Variants in TAF4 observed in about 807,000 individuals in gnomAD.
TAF4 encodes TATA-box binding protein associated factor 4, also known as transcription initiation factor TFIID subunit 4.
Under a neutral mutation model 90.3 loss-of-function variants are expected in TAF4, and 9 were observed. The ratio of observed to expected loss-of-function variants is 0.10; its 90% CI spans 0.06 to 0.17. The LOEUF (loss-of-function observed/expected upper bound fraction) is 0.17, where lower values mean the gene tolerates loss of function less well. Among genes scored for constraint, TAF4 ranks in the 10% least tolerant of loss-of-function variants. TAF4 has a pLI of 1.00. For missense variants in TAF4, 1,351 were observed against 1,370.7 expected (o/e 0.99, Z 0.23); for synonymous variants, 818 against 638.9 (o/e 1.28, Z -4.23).
intron 4 of TAF4, among the ~76,000 whole-genome samples, 186 bp downstream of exon 4, chr20:62,009,860 G>C (rs1412178481): frequency 2.6e-5 from 4 of 152,192 alleles, no homozygotes; most frequent in Non-Finnish European, 5.9e-5. Context: ...GGCCCTCGGA[G>C]CCCACCTCAC....
At chr20:62,053,428 C>T (rs1435549239) in intron 1 of TAF4, among the ~76,000 whole-genome samples, 2 of 152,226 alleles carry the variant, frequency 1.3e-5, no homozygotes, top group African/African-American at 4.8e-5. Flanking sequence ...CCATTAAGTG[C>T]CCGGTCAGGC....
At chr20:62,049,266 G>C (rs1011338081) in intron 1 of TAF4, among the ~76,000 whole-genome samples, 5 of 152,138 alleles carry the variant, frequency 3.3e-5, no homozygotes, top group Non-Finnish European at 7.3e-5. Flanking sequence ...CTGAGCTTCT[G>C]TGCGAGTGTC....
chr20:62,064,023 G>T (rs546017341), intron 1 of TAF4, among the ~76,000 whole-genome samples: 2 of 152,334 alleles, frequency 1.3e-5, no homozygotes, highest in African/African-American at 4.8e-5. Flanking sequence ...CTGAGCAGGG[G>T]ACAGCTGCTG....
In TAF4 at chr20:62,065,374, ACGGCGGCGGCGG is replaced by A. The variant is rs1204301175; in HGVS notation, c.425_436del (p.Ala142_Ala145del). 26 of 921,442 alleles carry A rather than the reference ACGGCGGCGGCGG, an allele frequency of 2.8e-5. No individual in the cohort carries two copies. Among genetic ancestry groups the A allele is most frequent in the African/African-American group, 4.1e-5 (2 of 49,112 alleles). 57.1% of individuals were successfully genotyped at this position (921,442 alleles called of 1,614,324 possible). A position where few individuals can be genotyped will look rare whatever the true frequency, so the allele number is the denominator to read the frequency against. On this transcript the variant is annotated inframe_deletion, in exon 1 of 15. Coordinates refer to ENST00000252996, the MANE Select transcript of TAF4 (RefSeq NM_003185.4). ...GGGGGCGGGCTCGGGCCCCGCGGCG[ACGGCGGCGGCGG>A]CGGGCACCGGGGCGCAGGACCCCGC...
chr20:61,991,820 C>T (rs1194608221), intron 14 of TAF4, among the ~76,000 whole-genome samples: 1 of 152,108 alleles, frequency 6.6e-6, no homozygotes, highest in Admixed American at 6.6e-5. Flanking sequence ...ACCACCCCAG[C>T]ACAACCAAGC....
intron 8 of TAF4, 83 bp from the exon 9 acceptor site, chr20:62,003,357 C>T (rs1802094481): frequency 9.4e-7 from 1 of 1,069,158 alleles, no homozygotes; most frequent in Non-Finnish European, 1.4e-6. Context: ...GGCTCAAGGG[C>T]ACAGCTACCA....
At chr20:62,053,836 G>A (rs2056045229) in intron 1 of TAF4, among the ~76,000 whole-genome samples, 1 of 152,242 alleles carries the variant, frequency 6.6e-6, no homozygotes, top group South Asian at 2.1e-4. Flanking sequence ...TGAAACTAGG[G>A]AGAGGCCTGC....
intron 3 of TAF4, among the ~76,000 whole-genome samples, chr20:62,011,065 C>A (rs149409644): frequency 6.6e-6 from 1 of 152,204 alleles, no homozygotes; most frequent in Non-Finnish European, 1.5e-5. Flanking sequence ...GTGGGTGCAG[C>A]CCCGCCAGCA....
chr20:62,010,135 T>C lies in TAF4; in HGVS notation c.1672A>G (p.Thr558Ala), dbSNP rs1488517148. ...PQLVLGGAAQ[T>A]ASLGTATAVQ... ...GCCGTCGCCGTCCCAAGTGAAGCCG[T>C]CTGGGCAGCGCCACCCAGAACGAGC... The change falls in exon 4 of 15, where the codon ACG becomes GCG. Residue 558 changes from threonine to alanine, a missense_variant. Around this residue, in one of 9 missense-constraint regions of TAF4, gnomAD observed 143 missense variants for 176.3 expected, o/e 0.81. Transcript: ENST00000252996. The surrounding 1 kb of genome is among the most constrained non-coding windows in gnomAD (Gnocchi z 4.5). 1.2e-6 allele frequency: 2 copies of C among 1,613,542 alleles called. No homozygotes were observed. The highest frequency in any genetic ancestry group is 2.7e-5 in the African/African-American group (2 of 74,872).
intron 1 of TAF4, among the ~76,000 whole-genome samples, chr20:62,038,149 C>A (rs946016324): frequency 6.6e-6 from 1 of 152,120 alleles, no homozygotes; most frequent in African/African-American, 2.4e-5. Context: ...CTGCCTCAGC[C>A]TCCAGGTGGC....
At position 62,003,866 on chromosome 20, in the gene TAF4, G is replaced by T. The variant is rs756079365; in HGVS notation, c.2236C>A (p.Pro746Thr). The T allele has an allele frequency of 4.4e-6, 7 of 1,574,274 alleles. No individual in the cohort carries two copies. The highest frequency in any genetic ancestry group is 6.0e-6 in the Non-Finnish European group (7 of 1,162,392). ...CGGATCAGGGCTCCTGGCTTCGGAG[G>T]CTGCTGGATGACCTGAGGCAGAGCC... ...GQPTPLVIQQ[P>T]PKPGALIRPP... Residue 746 changes from proline to threonine, a missense_variant, in exon 8 of 15, where the codon CCT becomes ACT. Physicochemically the swap from Pro to Thr is conservative, Grantham distance 38 (BLOSUM62 -1). This residue lies in a region of TAF4 where 202 missense variants were observed against 229.7 expected (regional missense o/e 0.88). Coordinates refer to ENST00000252996, the MANE Select transcript of TAF4 (RefSeq NM_003185.4).
At chr20:62,032,550 C>T (rs959944844) in intron 1 of TAF4, among the ~76,000 whole-genome samples, 3 of 152,200 alleles carry the variant, frequency 2.0e-5, no homozygotes, top group East Asian at 1.9e-4. Flanking sequence ...ACCAGGGCCT[C>T]GGCTCTCAGC....
intron 4 of TAF4, 136 bp downstream of exon 4, chr20:62,009,910 C>A: frequency 7.0e-7 from 1 of 1,421,756 alleles, no homozygotes; most frequent in Non-Finnish European, 9.5e-7. Context: ...ACGTGGGCCC[C>A]AGACTGTTCA....
chr20:62,032,377 T>A (rs1162458872), intron 1 of TAF4, among the ~76,000 whole-genome samples: 5 of 152,248 alleles, frequency 3.3e-5, no homozygotes, highest in Non-Finnish European at 7.3e-5. Context: ...GCAACAAGCA[T>A]CGCTTCTCTT....
intron 1 of TAF4, among the ~76,000 whole-genome samples, chr20:62,024,988 T>A (rs2055866803): frequency 6.6e-6 from 1 of 152,052 alleles, no homozygotes; most frequent in East Asian, 1.9e-4. Context: ...ATAAATTAAA[T>A]CCTTAAAGCG....
At chr20:61,987,384 G>A (rs924067708) in intron 14 of TAF4, among the ~76,000 whole-genome samples, 6 of 152,156 alleles carry the variant, frequency 3.9e-5, no homozygotes, top group African/African-American at 1.4e-4. Context: ...GGTAAGAATC[G>A]AATAAGGAGA....
At chr20:61,984,802 ATGCAGGAGCTCATCTGTT>A (rs2055573403) in intron 14 of TAF4, among the ~76,000 whole-genome samples, 1 of 149,760 alleles carries the variant, frequency 6.7e-6, no homozygotes, top group East Asian at 2.0e-4. Context: ...AAGGAAAAAG[ATGCAGGAGCTCATCTGTT>A]TGCATGGTGA....
intron 14 of TAF4, among the ~76,000 whole-genome samples, chr20:61,994,610 G>A (rs1002559576): frequency 6.6e-6 from 1 of 152,204 alleles, no homozygotes; most frequent in Non-Finnish European, 1.5e-5. Flanking sequence ...ATTTCTCAGA[G>A]GTCACTGCTA....
intron 1 of TAF4, among the ~76,000 whole-genome samples, chr20:62,053,047 C>A (rs539855020): frequency 6.6e-6 from 1 of 152,236 alleles, no homozygotes; most frequent in East Asian, 1.9e-4. Context: ...CCTTCCCACA[C>A]AGGAACTCTG....
Sources: allele counts gnomAD v4.1 joint callset (sites outside exome capture counted in the v4.1 genomes callset), GRCh38; gene constraint gnomAD v4.1.1; regional missense constraint gnomAD v4.1.1; non-coding constraint Gnocchi (gnomAD v3.1); transcripts MANE v1.5; gene names NCBI Gene and HGNC (gene_info 2026-07-23, HGNC 2026-07-21).